The following SV2C variants were observed in gnomAD, a reference collection of about 807,000 sequenced individuals.
SV2C encodes the protein synaptic vesicle glycoprotein 2C.
SV2C carries 49 observed loss-of-function variants against 79.7 expected under a neutral mutation model. That is an observed-to-expected ratio of 0.61 (90% CI 0.49 to 0.78). The LOEUF (loss-of-function observed/expected upper bound fraction) is 0.78. SV2C is among the 30% of genes least tolerant of loss of function. The pLI, the probability that SV2C is intolerant of heterozygous loss-of-function variation, is 0.00. For missense variants in SV2C, 833 were observed against 912.9 expected (o/e 0.91, Z 1.13); for synonymous variants, 334 against 333.2 (o/e 1.00, Z -0.03).
chr5:76,298,644 G>T, intron 9 of SV2C, 150 bp from the exon 10 acceptor site: 1 of 833,632 alleles, frequency 1.2e-6, no homozygotes. Context: ...AGGGGAAAAA[G>T]CAGAGAGCTA....
intron 12 of SV2C, among the ~76,000 whole-genome samples, chr5:76,312,629 C>G (rs2112546481): frequency 6.6e-6 from 1 of 152,362 alleles, no homozygotes; most frequent in East Asian, 1.9e-4. Context: ...AGCCCACGCT[C>G]TCAGGGCCGT....
chr5:76,144,828 T>TG (rs1037311679), intron 2 of SV2C, among the ~76,000 whole-genome samples: 3 of 152,028 alleles, frequency 2.0e-5, no homozygotes, highest in Non-Finnish European at 4.4e-5. Context: ...ATAGGAGGTT[T>TG]TTTTTTGTTT....
the SV2C span, among the ~76,000 whole-genome samples, chr5:75,963,605 G>C: frequency 6.6e-6 from 1 of 151,574 alleles, no homozygotes; most frequent in Non-Finnish European, 1.5e-5. Flanking sequence ...TATACTTTAG[G>C]TTCCAACATT....
At chr5:76,233,606 T>C (rs1745509363) in intron 4 of SV2C, among the ~76,000 whole-genome samples, 1 of 148,730 alleles carries the variant, frequency 6.7e-6, no homozygotes, top group South Asian at 2.1e-4. Flanking sequence ...TATTTTGAAA[T>C]ATGTCCCATC....
chr5:76,020,517 C>T, the SV2C span, among the ~76,000 whole-genome samples: 6 of 152,250 alleles, frequency 3.9e-5, no homozygotes, highest in African/African-American at 1.2e-4. Context: ...GATCTAACGG[C>T]GAGGGTAGCT....
chr5:76,197,181 T>C (rs577104893), intron 3 of SV2C, among the ~76,000 whole-genome samples: 2 of 152,258 alleles, frequency 1.3e-5, no homozygotes, highest in Admixed American at 1.3e-4. Flanking sequence ...GAAGATCAAA[T>C]GAGATGATGT....
intron 2 of SV2C, among the ~76,000 whole-genome samples, chr5:76,193,008 C>G (rs895939071): frequency 5.3e-5 from 8 of 152,204 alleles, no homozygotes; most frequent in African/African-American, 1.7e-4. Flanking sequence ...TAGCCACCTT[C>G]TGCCCCTCTG....
chr5:76,300,599 C>G (rs1211109988), intron 10 of SV2C, 130 bp from the exon 11 acceptor site: 3 of 893,536 alleles, frequency 3.4e-6, no homozygotes, highest in African/African-American at 1.7e-5. Context: ...AAAAGTCAAG[C>G]TAGCATAGGC....
chr5:75,851,774 C>T, the SV2C span, among the ~76,000 whole-genome samples: 14 of 152,230 alleles, frequency 9.2e-5, no homozygotes, highest in African/African-American at 3.1e-4. Flanking sequence ...CTCAGCCTCC[C>T]CAGCAGCTGG....
the SV2C span, among the ~76,000 whole-genome samples, chr5:76,048,671 A>G: frequency 6.6e-6 from 1 of 151,892 alleles, no homozygotes; most frequent in African/African-American, 2.4e-5. Flanking sequence ...CATGAGAGAG[A>G]GCTAGAGCCA....
rs1489063308 is a variant in SV2C, at chr5:76,178,281, C to T, written c.581-16638C>T. Among the ~76,000 whole-genome samples the T allele has an allele frequency of 2.6e-5, 4 of 152,338 alleles. No homozygotes were observed. The East Asian group carries it at 7.7e-4, about 29-fold the overall frequency. On this transcript the variant is annotated intron_variant, in intron 2 of 12. Coordinates refer to ENST00000502798, the MANE Select transcript of SV2C (RefSeq NM_014979.4). ...TCAAGGAGAGGCAACATAGACTTCACCTTTTCATGGGAAGAGCATTGCAGA... is the reference window on the plus strand; with the variant it reads ...TCAAGGAGAGGCAACATAGACTTCATCTTTTCATGGGAAGAGCATTGCAGA...
At chr5:76,086,676 C>G (rs888667940) in intron 1 of SV2C, among the ~76,000 whole-genome samples, 2 of 152,148 alleles carry the variant, frequency 1.3e-5, no homozygotes, top group African/African-American at 4.8e-5. Flanking sequence ...ACATTGTTTT[C>G]AATCTCTGCT....
chr5:76,022,080 G>C, the SV2C span, among the ~76,000 whole-genome samples: 1 of 152,132 alleles, frequency 6.6e-6, no homozygotes, highest in East Asian at 1.9e-4. Flanking sequence ...GACAAGGCTA[G>C]GCTGAGAAAT....
intron 8 of SV2C, among the ~76,000 whole-genome samples, chr5:76,295,434 G>T (rs1283124834): frequency 1.3e-5 from 2 of 152,078 alleles, no homozygotes; most frequent in African/African-American, 2.4e-5. Context: ...ATTATACTGG[G>T]GTTTAAGTTC....
the SV2C span, among the ~76,000 whole-genome samples, chr5:75,993,437 C>T: frequency 0.049 from 7,488 of 152,000 alleles, 222 homozygotes; most frequent in South Asian, 0.14. Flanking sequence ...GAGTGAAAAT[C>T]CTCCAGCTCA....
At chr5:76,151,909 C>T (rs1430012236) in intron 2 of SV2C, among the ~76,000 whole-genome samples, 5 of 152,094 alleles carry the variant, frequency 3.3e-5, no homozygotes, top group Non-Finnish European at 7.4e-5. Flanking sequence ...TGGGGCCTCA[C>T]GGGGAAGCTA....
chr5:75,910,615 G>A, the SV2C span: 4 of 799,634 alleles, frequency 5.0e-6, no homozygotes, highest in African/African-American at 1.7e-5. Context: ...GAAAACTTGT[G>A]GATTATGATG....
chr5:76,296,486 C>G (rs1747769975), intron 9 of SV2C, among the ~76,000 whole-genome samples: 1 of 152,102 alleles, frequency 6.6e-6, no homozygotes, highest in African/African-American at 2.4e-5. Flanking sequence ...GAAGGGTCTC[C>G]TTTATGGGAT....
intron 4 of SV2C, 130 bp from the exon 5 acceptor site, chr5:76,285,032 C>A: frequency 7.5e-7 from 1 of 1,333,904 alleles, no homozygotes; most frequent in Admixed American, 2.2e-5. Flanking sequence ...GGATGATGCC[C>A]AGATCAGCTC....
Sources: gnomAD v4.1 joint callset for allele counts (sites outside exome capture counted in the v4.1 genomes callset) on GRCh38, gnomAD v4.1.1 for gene constraint, MANE v1.5 for transcripts, NCBI Gene and HGNC (gene_info 2026-07-23, HGNC 2026-07-21) for gene names.